Variants in SMTNL1 observed in about 807,000 individuals in gnomAD.
The protein encoded by SMTNL1 is smoothelin-like protein 1.
In SMTNL1, 41 loss-of-function variants were observed where a neutral mutation model predicts 46.6. The observed-to-expected ratio is 0.88, with a 90% CI of 0.69 to 1.14. The LOEUF is 1.14. Among genes scored for constraint, SMTNL1 ranks in the 50% most tolerant of loss-of-function variants. The pLI, the probability that SMTNL1 is intolerant of heterozygous loss-of-function variation, is 0.00. For missense variants in SMTNL1, 591 were observed against 626.1 expected, an observed-to-expected ratio of 0.94 and a Z score of 0.60; for synonymous variants, 234 against 234.2, an observed-to-expected ratio of 1.00 and a Z score of 0.01.
rs758084392 is a variant in SMTNL1, at chr11:57,545,915, CCT to C, written c.953_954del (p.Pro318ArgfsTer53). ...SSPSDVPQSP[P>X]ESPSSGEKKE... ...ACCCAGCGACGTGCCCCAGAGTCCC[CCT>C]GAGTCCCCTTCCTCAGGGGAGAAGA... On this transcript the variant is annotated frameshift_variant, in exon 5 of 8. Transcript: ENST00000527972. LOFTEE classifies it high-confidence loss of function. 9.6e-5 allele frequency: 155 copies of C among 1,613,598 alleles called. No homozygotes were observed. In the Admixed American group the frequency reaches 1.8e-3, roughly 19 times the overall value.
At chr11:57,545,671 C>A (rs1678113720) in intron 4 of SMTNL1, among the ~76,000 whole-genome samples, 1 of 151,914 alleles carries the variant, frequency 6.6e-6, no homozygotes, top group African/African-American at 2.4e-5. Flanking sequence ...GGTGTCCTAG[C>A]TCTACCCACA....
At chr11:57,548,288 C>G (rs1232204337) in intron 7 of SMTNL1, among the ~76,000 whole-genome samples, 1 of 152,158 alleles carries the variant, frequency 6.6e-6, no homozygotes, top group East Asian at 1.9e-4. Flanking sequence ...GCCTCGGGGC[C>G]CTTGCACCTG....
chr11:57,548,440 C>T (rs574053418), intron 7 of SMTNL1, among the ~76,000 whole-genome samples: 1 of 152,088 alleles, frequency 6.6e-6, no homozygotes, highest in Non-Finnish European at 1.5e-5. Context: ...GAGACCGAGG[C>T]GTGGGGATCA....
Position 57,546,641 on chromosome 11 carries a change from C to T in SMTNL1, c.1329C>T (p.Phe443=). 3 of 1,613,544 alleles carry T rather than the reference C, an allele frequency of 1.9e-6. No homozygotes were observed. Among genetic ancestry groups the T allele is most frequent in the South Asian group, 2.2e-5 (2 of 90,988 alleles). ...GCCGGCACAACTTCACCCTGGCCTT[C>T]TCCACAGCAGAGTAAGCCACAGCCA... ...AKRRHNFTLA[F]STAEKLADCA... Residue 443 remains phenylalanine, a synonymous_variant, in exon 7 of 8, where the codon TTC becomes TTT. Transcript: ENST00000527972.
intron 2 of SMTNL1, 118 bp from the exon 3 acceptor site, chr11:57,543,506 G>A (rs552273236): frequency 1.3e-6 from 2 of 1,516,178 alleles, no homozygotes; most frequent in South Asian, 1.3e-5. Context: ...GTGGGGGAGG[G>A]GGGACAAGGA....
At chr11:57,547,875 G>T (rs1944932920) in intron 7 of SMTNL1, among the ~76,000 whole-genome samples, 2 of 152,350 alleles carry the variant, frequency 1.3e-5, no homozygotes, top group South Asian at 4.1e-4. Context: ...CCCCAAGGGA[G>T]GATTTCCTCT....
chr11:57,537,785 T>C lies in SMTNL1; in HGVS notation c.-3+143T>C, dbSNP rs73478628. Among the ~76,000 whole-genome samples the C allele has an allele frequency of 6.3e-3, 954 of 152,306 alleles. 11 individuals carry two copies. The highest frequency in any genetic ancestry group is 0.022 in the African/African-American group (912 of 41,574). On this transcript the variant is annotated intron_variant, in intron 1 of 7. Coordinates refer to ENST00000527972, the MANE Select transcript of SMTNL1 (RefSeq NM_001105565.3). Reference sequence around the variant, plus strand: ...CTTTCTAATTCTCTCCACCACAATGTCTACTCTCTTTAGATGCCTGGGGTC... The same window carrying C: ...CTTTCTAATTCTCTCCACCACAATGCCTACTCTCTTTAGATGCCTGGGGTC...
Position 57,550,202 on chromosome 11 carries a change from C to T in SMTNL1, c.*90C>T, listed in dbSNP as rs982817869. Reference sequence around the variant, plus strand: ...GTTCCCTTCTGCTCCATGGAGGCACCAGAGCCAGGGGCTTAGGCAAGGGTG... The same window carrying T: ...GTTCCCTTCTGCTCCATGGAGGCACTAGAGCCAGGGGCTTAGGCAAGGGTG... On this transcript the variant is annotated 3_prime_UTR_variant, in exon 8 of 8. Coordinates refer to ENST00000527972, the MANE Select transcript of SMTNL1 (RefSeq NM_001105565.3). 2.2e-6 allele frequency: 3 copies of T among 1,379,862 alleles called. No homozygotes were observed. The highest frequency in any genetic ancestry group is 2.9e-6 in the Non-Finnish European group (3 of 1,021,610). The allele number at this position is 1,379,862 out of a possible 1,614,324, so 85.5% of individuals were successfully genotyped here.
intron 1 of SMTNL1, among the ~76,000 whole-genome samples, chr11:57,540,330 C>A (rs764872971): frequency 6.6e-6 from 1 of 152,044 alleles, no homozygotes; most frequent in African/African-American, 2.4e-5. Flanking sequence ...AACTCTTGGG[C>A]CGAAGTAATC....
rs1235987923 is a variant in SMTNL1 at position 57,546,626 on chromosome 11, C to A, written c.1314C>A (p.Asn438Lys). Reference protein sequence around the residue: ...AELDPAKRRHNFTLAFSTAEK... With the variant: ...AELDPAKRRHKFTLAFSTAEK... ...TGGATCCCGCAAAGCGCCGGCACAA[C>A]TTCACCCTGGCCTTCTCCACAGCAG... The change falls in exon 7 of 8, where the codon AAC (asparagine) becomes AAA (lysine). Residue 438 changes from asparagine (N) to lysine (K), a missense_variant. Asn to Lys is a moderately conservative substitution (Grantham distance 94). Transcript: ENST00000527972. 1 of 1,613,916 alleles carries A rather than the reference C, an allele frequency of 6.2e-7. No individual in the cohort carries two copies. Among genetic ancestry groups the A allele is most frequent in the South Asian group, 1.1e-5 (1 of 91,042 alleles).
intron 1 of SMTNL1, among the ~76,000 whole-genome samples, chr11:57,540,485 G>A (rs1464876773): frequency 1.3e-5 from 2 of 152,120 alleles, no homozygotes; most frequent in Non-Finnish European, 2.9e-5. Context: ...CAACCCCACA[G>A]AAAACCCTAT....
Position 57,542,996 on chromosome 11 carries a change from C to A in SMTNL1, c.354C>A (p.Thr118=). ...SQEMTGRKEE[T]KSEPKEAEEK... ...AGATGACTGGCAGGAAAGAAGAGAC[C>A]AAATCTGAACCCAAAGAGGCTGAGG... Residue 118 remains threonine, a synonymous_variant, in exon 2 of 8, where the codon ACC becomes ACA. Transcript: ENST00000527972. 3 of 1,601,710 alleles carry A rather than the reference C, an allele frequency of 1.9e-6. No homozygotes were observed. Among genetic ancestry groups the A allele is most frequent in the Non-Finnish European group, 2.6e-6 (3 of 1,174,182 alleles).
chr11:57,544,838 A>AT (rs766314304), intron 4 of SMTNL1, among the ~76,000 whole-genome samples: 8,090 of 136,500 alleles, frequency 0.059, 514 homozygotes, highest in African/African-American at 0.15. Context: ...TCCTCCCCCC[A>AT]TTTTTTTTTT....
In SMTNL1 at chr11:57,542,824, G is replaced by A; in HGVS notation, c.182G>A (p.Gly61Asp). ...GKQEKAPAED[G>D]MSAELQGEAN... ...CAGGAAAAGGCACCAGCCGAGGACGGCATGTCAGCAGAACTCCAGGGGGAA... is the reference window on the plus strand; with the variant it reads ...CAGGAAAAGGCACCAGCCGAGGACGACATGTCAGCAGAACTCCAGGGGGAA... Residue 61 changes from glycine (G) to aspartate (D), a missense_variant, in exon 2 of 8, where the codon GGC becomes GAC. Transcript: ENST00000527972. 6.2e-7 allele frequency: 1 copy of A among 1,613,566 alleles called. No individual in the cohort carries two copies. The highest frequency in any genetic ancestry group is 8.5e-7 in the Non-Finnish European group (1 of 1,179,754).
chr11:57,543,529 A>T, intron 2 of SMTNL1, 95 bp from the exon 3 acceptor site: 1 of 1,532,910 alleles, frequency 6.5e-7, no homozygotes, highest in Non-Finnish European at 8.8e-7. Flanking sequence ...GCAGCACCGT[A>T]GTCCCAGGCT....
At chr11:57,543,541 C>G in intron 2 of SMTNL1, 83 bp from the exon 3 acceptor site, 4 of 1,542,658 alleles carry the variant, frequency 2.6e-6, no homozygotes, top group Non-Finnish European at 3.5e-6. Flanking sequence ...TCCCAGGCTG[C>G]CTTTCAGAAC....
intron 6 of SMTNL1, 22 bp downstream of exon 6, chr11:57,546,369 G>C: frequency 1.9e-6 from 3 of 1,586,942 alleles, no homozygotes; most frequent in Non-Finnish European, 2.6e-6. Flanking sequence ...GCAGAGCTGC[G>C]TGGGTGGGGC....
rs541749551 is a variant in SMTNL1, at chr11:57,541,446, C to A, written c.-2-1195C>A. 4.8e-5 allele frequency: 64 copies of A among 1,344,206 alleles called. No homozygotes were observed. The African/African-American group carries it at 8.7e-4, about 18-fold the overall frequency. 83.3% of individuals were successfully genotyped at this position (1,344,206 alleles called of 1,614,324 possible). ...CCCCACACACCTGTTTTTGTAGATC[C>A]TCCAGTATATACAGTACTTAAATAG... On this transcript the variant is annotated intron_variant, in intron 1 of 7. Transcript: ENST00000527972.
At chr11:57,540,331 C>T (rs752191543) in intron 1 of SMTNL1, among the ~76,000 whole-genome samples, 28 of 151,760 alleles carry the variant, frequency 1.8e-4, no homozygotes, top group Admixed American at 1.4e-3. Context: ...ACTCTTGGGC[C>T]GAAGTAATCC....
Sources: allele counts gnomAD v4.1 joint callset (sites outside exome capture counted in the v4.1 genomes callset), GRCh38; gene constraint gnomAD v4.1.1; transcripts MANE v1.5; gene names NCBI Gene and HGNC (gene_info 2026-07-23, HGNC 2026-07-21).